ESR2: variants seen among roughly 807,000 people sequenced by gnomAD.
The protein encoded by ESR2 is estrogen receptor beta.
In ESR2, 36 loss-of-function variants were observed where a neutral mutation model predicts 49.6. The ratio of observed to expected loss-of-function variants is 0.73; its 90% CI spans 0.56 to 0.96. The LOEUF (loss-of-function observed/expected upper bound fraction) is 0.96, where lower values mean the gene tolerates loss of function less well. ESR2 is among the 40% of genes least tolerant of loss of function. The pLI is 0.00. For missense variants in ESR2, 714 were observed against 693.0 expected (o/e 1.03, Z -0.34); for synonymous variants, 320 against 266.1 (o/e 1.20, Z -1.97).
rs1038093086 is a variant in ESR2, at chr14:64,307,621, G to T, written c.-90-24546C>A. ...ACGATCTCAGCTCACTGCAATCTCC[G>T]CCTCCTGGGTTCACGCCATTCTCCT... On this transcript the variant is annotated intron_variant, in intron 1 of 8. Coordinates refer to the ESR2 transcript ENST00000358599. Among the ~76,000 whole-genome samples, 10 of 152,056 alleles carry T rather than the reference G, an allele frequency of 6.6e-5. No individual in the cohort carries two copies. In the South Asian group the frequency reaches 1.7e-3, roughly 25 times the overall value.
intron 1 of ESR2, among the ~76,000 whole-genome samples, chr14:64,309,043 G>C (rs185081072): frequency 1.3e-4 from 20 of 152,202 alleles, no homozygotes; most frequent in African/African-American, 4.6e-4. Flanking sequence ...TAATACCTAG[G>C]CATTTGGTGA....
At chr14:64,312,852 T>C (rs2077201186) in intron 1 of ESR2, among the ~76,000 whole-genome samples, 1 of 151,964 alleles carries the variant, frequency 6.6e-6, no homozygotes, top group African/African-American at 2.4e-5. Flanking sequence ...GAGGTTGCAG[T>C]GAGCCAAGTG....
upstream of ESR2, among the ~76,000 whole-genome samples, chr14:64,296,252 C>T (rs2076956450): frequency 6.6e-6 from 1 of 152,088 alleles, no homozygotes; most frequent in Non-Finnish European, 1.5e-5. Context: ...TCATTTAATC[C>T]TCACACCAGC....
At chr14:64,334,604 G>C (rs920953154) in intron 1 of ESR2, among the ~76,000 whole-genome samples, 1 of 152,214 alleles carries the variant, frequency 6.6e-6, no homozygotes, top group African/African-American at 2.4e-5. Context: ...AAGAAGAGGA[G>C]AATTAGCCAC....
At chr14:64,271,906 T>C (rs1596433730) in intron 3 of ESR2, among the ~76,000 whole-genome samples, 1 of 152,234 alleles carries the variant, frequency 6.6e-6, no homozygotes, top group Non-Finnish European at 1.5e-5. Context: ...TTCCTTTCTT[T>C]TGGGTGCATA....
intron 3 of ESR2, among the ~76,000 whole-genome samples, chr14:64,278,474 G>A (rs1173194218): frequency 6.6e-6 from 1 of 152,178 alleles, no homozygotes; most frequent in African/African-American, 2.4e-5. Context: ...ATCAATGGGT[G>A]AGTTAATTTA....
At chr14:64,264,004 A>G (rs1024438316) in intron 4 of ESR2, among the ~76,000 whole-genome samples, 1 of 152,226 alleles carries the variant, frequency 6.6e-6, no homozygotes, top group Non-Finnish European at 1.5e-5. Flanking sequence ...TTGAGCACCA[A>G]CATCTTTATA....
intron 3 of ESR2, among the ~76,000 whole-genome samples, chr14:64,275,462 T>C (rs2076540077): frequency 6.6e-6 from 1 of 152,228 alleles, no homozygotes; most frequent in South Asian, 2.1e-4. Flanking sequence ...TCAATCTACA[T>C]GTGTCTGAGG....
chr14:64,320,138 G>A (rs994204433), intron 1 of ESR2, among the ~76,000 whole-genome samples: 4 of 152,042 alleles, frequency 2.6e-5, no homozygotes, highest in African/African-American at 9.7e-5. Flanking sequence ...AAAAAGCAAT[G>A]AGCTATTAAG....
intron 4 of ESR2, among the ~76,000 whole-genome samples, chr14:64,264,347 C>A (rs1328703446): frequency 1.3e-5 from 2 of 152,028 alleles, no homozygotes; most frequent in African/African-American, 2.4e-5. Context: ...AAATTTGAAC[C>A]AAATTTACTG....
chr14:64,303,698 T>C (rs778273237), intron 1 of ESR2: 2 of 152,210 alleles, frequency 1.3e-5, no homozygotes, highest in South Asian at 4.1e-4. Flanking sequence ...TTTTAGATCA[T>C]TGTATATGTG....
At chr14:64,251,318 AAAAAC>A (rs2075984329) in intron 6 of ESR2, among the ~76,000 whole-genome samples, 1 of 151,850 alleles carries the variant, frequency 6.6e-6, no homozygotes, top group African/African-American at 2.4e-5. Flanking sequence ...AAAAAAAAAA[AAAAAC>A]AAAAAAACCC....
At chr14:64,275,782 A>G (rs1385953881) in intron 3 of ESR2, among the ~76,000 whole-genome samples, 2 of 152,228 alleles carry the variant, frequency 1.3e-5, no homozygotes, top group Non-Finnish European at 2.9e-5. Context: ...ATATGAGGTT[A>G]CAAACCACAA....
In ESR2 at chr14:64,231,989, C is replaced by T. The variant is rs2098727678; in HGVS notation, c.*1148G>A. On this transcript the variant is annotated 3_prime_UTR_variant, in exon 9 of 9. Transcript: ENST00000341099. ...AAGAAAATATTTTTAAAAGAGCTCT[C>T]AAGTGTAAAAGAATTCTTTCTTGCT... 6.6e-6 allele frequency: 1 copy of T among 152,174 alleles called. No individual in the cohort carries two copies. Among genetic ancestry groups the T allele is most frequent in the Non-Finnish European group, 1.5e-5 (1 of 68,036 alleles). 9.4% of individuals were successfully genotyped at this position (152,174 alleles called of 1,614,324 possible).
chr14:64,259,710 T>G (rs549701861), intron 5 of ESR2, among the ~76,000 whole-genome samples: 1 of 152,332 alleles, frequency 6.6e-6, no homozygotes, highest in Non-Finnish European at 1.5e-5. Context: ...ATTCCAGGTT[T>G]ATGGGCCCAT....
chr14:64,252,811 T>C (rs2076014916), intron 6 of ESR2, among the ~76,000 whole-genome samples: 1 of 152,060 alleles, frequency 6.6e-6, no homozygotes. Flanking sequence ...TCAGATGAGA[T>C]TTGCTGGGGA....
chr14:64,266,322 C>T (rs1213272055), intron 4 of ESR2, among the ~76,000 whole-genome samples: 1 of 152,132 alleles, frequency 6.6e-6, no homozygotes, highest in Admixed American at 6.6e-5. Flanking sequence ...AAGCAGATAT[C>T]TCTGTTCAGA....
intron 1 of ESR2, among the ~76,000 whole-genome samples, chr14:64,290,080 T>G (rs954220281): frequency 4.6e-5 from 7 of 152,074 alleles, no homozygotes; most frequent in Admixed American, 6.6e-5. Context: ...TTAGCTTTTT[T>G]GGGGGGTGGG....
intron 1 of ESR2, among the ~76,000 whole-genome samples, chr14:64,310,368 T>C (rs1024339755): frequency 5.3e-5 from 8 of 151,558 alleles, no homozygotes; most frequent in African/African-American, 1.7e-4. Context: ...AGCTCAATAT[T>C]GTCATCAAAT....
Sources: allele counts gnomAD v4.1 joint callset (sites outside exome capture counted in the v4.1 genomes callset), GRCh38; gene constraint gnomAD v4.1.1; transcripts MANE v1.5; gene names NCBI Gene and HGNC (gene_info 2026-07-23, HGNC 2026-07-21).